The following NLGN1 variants were observed in gnomAD, a reference collection of about 807,000 sequenced individuals.
NLGN1 encodes neuroligin 1.
A neutral mutation model predicts 65.5 loss-of-function variants in NLGN1; 12 were observed. The observed-to-expected ratio is 0.18, with a 90% CI of 0.12 to 0.30. NLGN1 has a LOEUF of 0.30. NLGN1 is among the 10% of genes least tolerant of loss of function. The probability of loss-of-function intolerance (pLI) is 1.00; values close to 1 mark genes in which losing one functional copy is unlikely to be tolerated. For missense variants in NLGN1, 750 were observed against 1,007.1 expected, an observed-to-expected ratio of 0.74 and a Z score of 3.46; for synonymous variants, 350 against 359.5, an observed-to-expected ratio of 0.97 and a Z score of 0.30.
At chr3:173,567,152 G>A (rs1743823951) in intron 2 of NLGN1, among the ~76,000 whole-genome samples, 1 of 152,040 alleles carries the variant, frequency 6.6e-6, no homozygotes, top group South Asian at 2.1e-4. Flanking sequence ...TATTTTATGT[G>A]TGTGTGTATA....
At chr3:173,758,820 A>G (rs964075385) in intron 3 of NLGN1, among the ~76,000 whole-genome samples, 2 of 151,962 alleles carry the variant, frequency 1.3e-5, no homozygotes, top group African/African-American at 4.8e-5. Context: ...GTAGGTTCTG[A>G]TATCAGTTCT....
intron 3 of NLGN1, among the ~76,000 whole-genome samples, chr3:173,716,143 G>A (rs1317977786): frequency 6.6e-6 from 1 of 152,162 alleles, no homozygotes; most frequent in Admixed American, 6.6e-5. Context: ...AAAGCTGGCT[G>A]TATGTAAGAG....
At chr3:174,284,506 A>G (rs1321753384) in exon 7 of NLGN1, 2 of 151,430 alleles carry the variant, frequency 1.3e-5, no homozygotes, top group African/African-American at 4.8e-5. Context: ...ATTAAAAATT[A>G]GGCAAAGCTG....
At chr3:173,957,757 G>T (rs1054289980) in intron 4 of NLGN1, among the ~76,000 whole-genome samples, 1 of 152,120 alleles carries the variant, frequency 6.6e-6, no homozygotes, top group Non-Finnish European at 1.5e-5. Context: ...GATTCTTGGG[G>T]TGTTGCTTCA....
At chr3:173,431,303 T>G (rs894989514) in intron 1 of NLGN1, among the ~76,000 whole-genome samples, 1 of 152,152 alleles carries the variant, frequency 6.6e-6, no homozygotes, top group Non-Finnish European at 1.5e-5. Flanking sequence ...GTGTTTCCTT[T>G]TTTTGGTTTT....
intron 3 of NLGN1, among the ~76,000 whole-genome samples, chr3:173,632,029 G>T (rs561540646): frequency 1.3e-5 from 2 of 151,932 alleles, no homozygotes; most frequent in Admixed American, 1.3e-4. Flanking sequence ...AAATGCTGCC[G>T]TAACTTTAAA....
intron 4 of NLGN1, among the ~76,000 whole-genome samples, chr3:174,018,163 T>G (rs1364608968): frequency 6.6e-6 from 1 of 152,172 alleles, no homozygotes; most frequent in Non-Finnish European, 1.5e-5. Flanking sequence ...ATGGCTCTGT[T>G]CCGTCTGGCT....
intron 3 of NLGN1, among the ~76,000 whole-genome samples, chr3:173,784,540 G>A (rs890415080): frequency 2.0e-4 from 30 of 152,056 alleles, no homozygotes; most frequent in African/African-American, 7.0e-4. Context: ...CGTACCTAGA[G>A]GCAGAGAGCG....
intron 4 of NLGN1, among the ~76,000 whole-genome samples, chr3:174,244,325 A>G (rs1166493292): frequency 6.6e-6 from 1 of 152,160 alleles, no homozygotes; most frequent in Non-Finnish European, 1.5e-5. Flanking sequence ...GTCAAATATG[A>G]TGCACAAAAT....
At chr3:174,123,806 C>T (rs964417002) in intron 4 of NLGN1, among the ~76,000 whole-genome samples, 3 of 152,138 alleles carry the variant, frequency 2.0e-5, no homozygotes, top group African/African-American at 7.2e-5. Context: ...ATCAACACAT[C>T]TGTTCAGCTT....
At chr3:173,984,548 A>G (rs1719478317) in intron 4 of NLGN1, among the ~76,000 whole-genome samples, 1 of 152,190 alleles carries the variant, frequency 6.6e-6, no homozygotes, top group African/African-American at 2.4e-5. Context: ...TTCACAATGC[A>G]TATTTGCAGT....
intron 3 of NLGN1, among the ~76,000 whole-genome samples, chr3:173,713,170 A>G (rs1435460426): frequency 6.6e-6 from 1 of 152,182 alleles, no homozygotes; most frequent in African/African-American, 2.4e-5. Context: ...TGTTTTCCAA[A>G]AAATGGCTCT....
chr3:173,566,498 T>C (rs1468999763), intron 2 of NLGN1, among the ~76,000 whole-genome samples: 1 of 152,204 alleles, frequency 6.6e-6, no homozygotes, highest in African/African-American at 2.4e-5. Context: ...TTCTGTCAAA[T>C]TAATAAATTT....
chr3:173,775,925 ACAGTC>A (rs1433114075), intron 3 of NLGN1, among the ~76,000 whole-genome samples: 5 of 152,158 alleles, frequency 3.3e-5, no homozygotes, highest in Non-Finnish European at 7.4e-5. Context: ...ATCATTATAG[ACAGTC>A]CAGATATGAA....
chr3:173,515,530 C>T (rs1325092028), intron 2 of NLGN1, among the ~76,000 whole-genome samples: 1 of 152,052 alleles, frequency 6.6e-6, no homozygotes, highest in Non-Finnish European at 1.5e-5. Flanking sequence ...GTTGCCCATG[C>T]TTTTGGTGTC....
At chr3:174,105,535 C>T (rs116189966) in intron 4 of NLGN1, among the ~76,000 whole-genome samples, 222 of 152,100 alleles carry the variant, frequency 1.5e-3, no homozygotes, top group African/African-American at 5.2e-3. Flanking sequence ...CAAAGTGAGA[C>T]CCTTTCTCAA....
intron 4 of NLGN1, among the ~76,000 whole-genome samples, chr3:173,852,161 C>T (rs1291543406): frequency 1.3e-5 from 2 of 151,146 alleles, no homozygotes; most frequent in African/African-American, 4.9e-5. Flanking sequence ...TCGAGACCAT[C>T]CTGGCTAACA....
intron 4 of NLGN1, among the ~76,000 whole-genome samples, chr3:174,239,307 G>T (rs933445500): frequency 6.6e-6 from 1 of 152,068 alleles, no homozygotes; most frequent in African/African-American, 2.4e-5. Context: ...GACCTCAAAT[G>T]ATCCTCCCAC....
chr3:173,938,009 A>G (rs1171647123), intron 4 of NLGN1, among the ~76,000 whole-genome samples: 1 of 152,198 alleles, frequency 6.6e-6, no homozygotes, highest in Non-Finnish European at 1.5e-5. Context: ...ACTTATAACA[A>G]TAAACATAAA....
Sources: gnomAD v4.1 joint callset for allele counts (sites outside exome capture counted in the v4.1 genomes callset) on GRCh38, gnomAD v4.1.1 for gene constraint, MANE v1.5 for transcripts, NCBI Gene and HGNC (gene_info 2026-07-23, HGNC 2026-07-21) for gene names.